The following INPP5D variants were observed in gnomAD, a reference collection of about 807,000 sequenced individuals.
INPP5D encodes the protein phosphatidylinositol 3,4,5-trisphosphate 5-phosphatase 1.
Under a neutral mutation model 122.9 loss-of-function variants are expected in INPP5D, and 33 were observed. That is an observed-to-expected ratio of 0.27 (90% confidence interval 0.20 to 0.36). The LOEUF is 0.36. INPP5D is among the 10% of genes least tolerant of loss of function. The pLI is 1.00. For synonymous variants in INPP5D, 584 were observed against 576.2 expected (o/e 1.01, Z -0.19); for missense variants, 1,053 against 1,412.7 (o/e 0.75, Z 4.08).
intron 18 of INPP5D, among the ~76,000 whole-genome samples, chr2:233,181,834 C>T (rs1228911987): frequency 2.6e-5 from 4 of 152,152 alleles, no homozygotes; most frequent in African/African-American, 4.8e-5. Flanking sequence ...TGGTGGCTCA[C>T]GTCTGTAATC....
Position 233,090,685 on chromosome 2 carries a change from C to T in INPP5D, c.198+11287C>T, listed in dbSNP as rs1406958548. Among the ~76,000 whole-genome samples, 11 of 152,118 alleles carry T rather than the reference C, an allele frequency of 7.2e-5. No individual in the cohort carries two copies. The East Asian group carries it at 7.7e-4, about 11-fold the overall frequency. On this transcript the variant is annotated intron_variant, in intron 2 of 26. Coordinates refer to ENST00000445964, the MANE Select transcript of INPP5D (RefSeq NM_001017915.3). ...ATTCAAAGTCACTTGGGGTCGGGCA[C>T]GGTGGCTCATGCCTGTAATCCCAGC...
chr2:233,186,159 G>A (rs1021425486), intron 21 of INPP5D, among the ~76,000 whole-genome samples: 1 of 152,144 alleles, frequency 6.6e-6, no homozygotes, highest in East Asian at 1.9e-4. Context: ...TTCCCCTAAA[G>A]GATCACAGAA....
intron 21 of INPP5D, among the ~76,000 whole-genome samples, chr2:233,186,596 G>T (rs113971483): frequency 0.031 from 4,485 of 145,684 alleles, 197 homozygotes; most frequent in African/African-American, 0.11. Flanking sequence ...GAGCCCAGAA[G>T]TTCAAGACCA....
chr2:233,092,227 C>A (rs932061058), intron 2 of INPP5D, among the ~76,000 whole-genome samples: 2 of 152,218 alleles, frequency 1.3e-5, no homozygotes, highest in African/African-American at 2.4e-5. Flanking sequence ...GGCTCTGCCC[C>A]CTCAGGCAGC....
In INPP5D at chr2:233,181,031, G is replaced by T. The variant is rs1694770582; in HGVS notation, c.2072-1379G>T. Among the ~76,000 whole-genome samples the T allele has an allele frequency of 1.3e-5, 2 of 152,124 alleles. 1 individual carries two copies. The highest frequency in any genetic ancestry group is 1.3e-4 in the Admixed American group (2 of 15,278). ...TCTTCCTCCCTCCTGTCTCAGAGAA[G>T]GGGTAGCCTCCTCTTTCTTTCCTGC... is the stretch of plus-strand genomic sequence containing the variant. On this transcript the variant is annotated intron_variant, in intron 18 of 26. Coordinates refer to ENST00000445964, the MANE Select transcript of INPP5D (RefSeq NM_001017915.3).
intron 9 of INPP5D, among the ~76,000 whole-genome samples, chr2:233,152,024 G>A (rs889287388): frequency 1.3e-5 from 2 of 152,234 alleles, no homozygotes; most frequent in Non-Finnish European, 2.9e-5. Flanking sequence ...AGGCAGTGTG[G>A]TTCAAGAGTG....
rs918741489 is a variant in INPP5D at position 233,188,086 on chromosome 2, C to T, written c.2359-1764C>T. On this transcript the variant is annotated intron_variant, in intron 21 of 26. Transcript: ENST00000445964. The surrounding 1 kb of genome is among the most constrained non-coding windows in gnomAD (Gnocchi z 4.7). ...TCCTGTCTCCTGCCTCTTGCTGAGGCATCCTGAACGCTGATGGATCTTTCT... is the reference window on the plus strand; with the variant it reads ...TCCTGTCTCCTGCCTCTTGCTGAGGTATCCTGAACGCTGATGGATCTTTCT... 6.6e-6 allele frequency among the ~76,000 whole-genome samples: 1 copy of T among 152,062 alleles called. No homozygotes were observed. Among genetic ancestry groups the T allele is most frequent in the Non-Finnish European group, 1.5e-5 (1 of 67,990 alleles).
intron 20 of INPP5D, among the ~76,000 whole-genome samples, chr2:233,184,829 T>C (rs996160134): frequency 6.6e-6 from 1 of 152,124 alleles, no homozygotes; most frequent in Admixed American, 6.5e-5. Flanking sequence ...CTAGGTTCCC[T>C]GCAAGCTGGG....
intron 2 of INPP5D, among the ~76,000 whole-genome samples, chr2:233,114,009 C>T (rs1260167033): frequency 3.3e-5 from 5 of 150,620 alleles, no homozygotes; most frequent in Non-Finnish European, 7.4e-5. Context: ...CTCCCGGGTT[C>T]ACGCCATTCT....
At position 233,206,359 on chromosome 2, in the gene INPP5D, T is replaced by TTA. The variant is rs1285493408; in HGVS notation, c.3568-335_3568-334dup. Among the ~76,000 whole-genome samples, 4 of 151,002 alleles carry TTA rather than the reference T, an allele frequency of 2.6e-5. No individual in the cohort carries two copies. The highest frequency in any genetic ancestry group is 6.6e-5 in the Admixed American group (1 of 15,102). The stretch of plus-strand genomic sequence containing the variant: ...TACATATTACATATGTGTATATATT[T>TTA]TATATATATATATGGTACGTACCTG... On this transcript the variant is annotated intron_variant, in intron 26 of 26. Transcript: ENST00000445964. The surrounding 1 kb of genome is among the most constrained non-coding windows in gnomAD (Gnocchi z 4.0).
chr2:233,072,846 G>A (rs1397584468), intron 1 of INPP5D, among the ~76,000 whole-genome samples: 1 of 152,186 alleles, frequency 6.6e-6, no homozygotes, highest in African/African-American at 2.4e-5. Context: ...CCAGGGTCCT[G>A]GCAGGAAATA....
At chr2:233,081,012 C>T (rs1203536233) in intron 2 of INPP5D, among the ~76,000 whole-genome samples, 1 of 152,248 alleles carries the variant, frequency 6.6e-6, no homozygotes, top group Non-Finnish European at 1.5e-5. Flanking sequence ...CTGCCTCATC[C>T]TCCTGCCCCT....
chr2:233,092,769 C>T (rs969412954), intron 2 of INPP5D, among the ~76,000 whole-genome samples: 9 of 152,162 alleles, frequency 5.9e-5, no homozygotes, highest in African/African-American at 2.2e-4. Context: ...ATCCCTTTAT[C>T]CCTCAATCTC....
chr2:233,113,502 A>T (rs6605277), intron 2 of INPP5D, among the ~76,000 whole-genome samples: 1 of 151,982 alleles, frequency 6.6e-6, no homozygotes, highest in East Asian at 1.9e-4. Context: ...TTTAAGAACA[A>T]ACATTTTGGA....
chr2:233,179,921 G>A lies in INPP5D; in HGVS notation c.2072-2489G>A, dbSNP rs116943544. Among the ~76,000 whole-genome samples the A allele has an allele frequency of 1.6e-3, 245 of 152,228 alleles. 2 individuals are homozygous for A. In the East Asian group the frequency reaches 0.024, roughly 15 times the overall value. ...ACTTAAAGCAAACATTTATTTGCTC[G>A]CGAGTCTCTGCGCTAGGCTGAATTT... is the stretch of plus-strand genomic sequence containing the variant. On this transcript the variant is annotated intron_variant, in intron 18 of 26. Coordinates refer to ENST00000445964, the MANE Select transcript of INPP5D (RefSeq NM_001017915.3).
At position 233,125,830 on chromosome 2, in the gene INPP5D, T is replaced by C. The variant is rs1337557978; in HGVS notation, c.435T>C (p.Phe145=). The C allele has an allele frequency of 6.2e-7, 1 of 1,613,896 alleles. No individual in the cohort carries two copies. Among genetic ancestry groups the C allele is most frequent in the Admixed American group, 1.7e-5 (1 of 60,014 alleles). ...CCTGTGAGGCCAAGGAGGTTCCTTT[T>C]TCAAACGAGAATCCCCGAGCGACCG... is the stretch of plus-strand genomic sequence containing the variant. ...ASSCEAKEVP[F]SNENPRATET... is the part of the protein sequence containing the mutation. Residue 145 remains phenylalanine, a synonymous_variant, in exon 4 of 27, where the codon TTT becomes TTC. Transcript: ENST00000445964.
At chr2:233,157,413 G>C (rs1205493058) in intron 9 of INPP5D, among the ~76,000 whole-genome samples, 1 of 148,872 alleles carries the variant, frequency 6.7e-6, no homozygotes, top group African/African-American at 2.6e-5. Context: ...GTTATAAACT[G>C]GGGAAGAATT....
At chr2:233,065,845 C>G (rs1264152583) in intron 1 of INPP5D, among the ~76,000 whole-genome samples, 1 of 151,760 alleles carries the variant, frequency 6.6e-6, no homozygotes, top group Non-Finnish European at 1.5e-5. Flanking sequence ...TGGGGTTTCA[C>G]CATGTTGGCT....
intron 2 of INPP5D, among the ~76,000 whole-genome samples, chr2:233,109,728 G>A (rs1349559251): frequency 4.0e-5 from 6 of 148,648 alleles, no homozygotes; most frequent in African/African-American, 1.5e-4. Context: ...ACAGGCGCCT[G>A]CCACCACGCC....
Sources: allele counts gnomAD v4.1 joint callset (sites outside exome capture counted in the v4.1 genomes callset), GRCh38; gene constraint gnomAD v4.1.1; non-coding constraint Gnocchi (gnomAD v3.1); transcripts MANE v1.5; gene names NCBI Gene and HGNC (gene_info 2026-07-23, HGNC 2026-07-21).